SLC20A2: variants seen among roughly 807,000 people sequenced by gnomAD.
SLC20A2 encodes solute carrier family 20 member 2.
A neutral mutation model predicts 61.0 loss-of-function variants in SLC20A2; 30 were observed. The ratio of observed to expected loss-of-function variants is 0.49; its 90% CI spans 0.37 to 0.67. The LOEUF (loss-of-function observed/expected upper bound fraction) is 0.67, where lower values mean the gene tolerates loss of function less well. SLC20A2 is among the 30% of genes least tolerant of loss of function. The probability of loss-of-function intolerance (pLI) is 0.00; values close to 1 mark genes in which losing one functional copy is unlikely to be tolerated. For missense variants in SLC20A2, 626 were observed against 866.4 expected (o/e 0.72, Z 3.48); for synonymous variants, 351 against 353.3 (o/e 0.99, Z 0.07).
At chr8:42,453,452 C>G (rs1805900895) in intron 5 of SLC20A2, among the ~76,000 whole-genome samples, 1 of 152,094 alleles carries the variant, frequency 6.6e-6, no homozygotes. Flanking sequence ...AAGAAATAAT[C>G]AACTTCACAA....
At chr8:42,430,371 CTT>C in intron 8 of SLC20A2, 122 bp from the exon 9 acceptor site, 1 of 881,914 alleles carries the variant, frequency 1.1e-6, no homozygotes, top group Non-Finnish European at 1.7e-6. Context: ...GTTTTTCTTT[CTT>C]TTTTTTTGAG....
intron 1 of SLC20A2, among the ~76,000 whole-genome samples, chr8:42,498,424 T>C (rs1481355130): frequency 6.6e-6 from 1 of 152,192 alleles, no homozygotes; most frequent in Non-Finnish European, 1.5e-5. Context: ...CCACTCATCT[T>C]GTTTCCCTTT....
intron 5 of SLC20A2, among the ~76,000 whole-genome samples, chr8:42,454,043 T>C (rs1243058620): frequency 6.6e-6 from 1 of 152,068 alleles, no homozygotes; most frequent in Non-Finnish European, 1.5e-5. Flanking sequence ...TCGCTCTGTC[T>C]CCCAGGCTGG....
chr8:42,512,534 A>T (rs534917321), intron 1 of SLC20A2, among the ~76,000 whole-genome samples: 15 of 152,148 alleles, frequency 9.9e-5, no homozygotes, highest in African/African-American at 3.6e-4. Context: ...TATTTTTAGT[A>T]CAGATGGGGT....
chr8:42,456,115 A>G (rs1289397472), intron 5 of SLC20A2, among the ~76,000 whole-genome samples: 1 of 152,172 alleles, frequency 6.6e-6, no homozygotes, highest in Non-Finnish European at 1.5e-5. Context: ...TGCCAACTGC[A>G]GCCAAAAGAT....
chr8:42,533,654 C>CTTTTTTTCTTTTTTTTTTTTTTCTTTTT (rs1253260874), intron 1 of SLC20A2, among the ~76,000 whole-genome samples: 1 of 55,310 alleles, frequency 1.8e-5, no homozygotes, highest in African/African-American at 8.1e-5. Flanking sequence ...ATCAACTGTT[C>CTTTTTTTCTTTTTTTTTTTTTTCTTTTT]TTTTTTTTTT....
chr8:42,536,077 T>C lies in SLC20A2; in HGVS notation c.-265+5744A>G, dbSNP rs374727738. Among the ~76,000 whole-genome samples the C allele has an allele frequency of 6.7e-4, 102 of 152,346 alleles. 2 individuals carry two copies. The South Asian group carries it at 0.021, about 31-fold the overall frequency. On this transcript the variant is annotated intron_variant, in intron 1 of 10. Transcript: ENST00000342228. ...TCTGAAATGAAGATTAGGGCTAACG[T>C]GCAAATTGGATAAAAACTACAATAT...
Position 42,450,565 on chromosome 8 carries a change from C to T in SLC20A2, c.614-5803G>A. On this transcript the variant is annotated intron_variant, in intron 5 of 10. Transcript: ENST00000520262. Reference sequence around the variant, plus strand: ...TTGAGATGGAGTCTCGCTCTGTCGCCCAGGCTGGAATGCAGTGGCTCAATC... The same window carrying T: ...TTGAGATGGAGTCTCGCTCTGTCGCTCAGGCTGGAATGCAGTGGCTCAATC... Among the ~76,000 whole-genome samples the T allele has an allele frequency of 1.3e-5, 2 of 151,496 alleles. 1 individual carries two copies. Among genetic ancestry groups the T allele is most frequent in the Non-Finnish European group, 2.9e-5 (2 of 67,952 alleles).
chr8:42,510,302 A>G (rs2131372295), intron 1 of SLC20A2, among the ~76,000 whole-genome samples: 1 of 152,336 alleles, frequency 6.6e-6, no homozygotes, highest in Middle Eastern at 3.4e-3. Context: ...TTGTTTAGAA[A>G]CCACTTTTTC....
intron 8 of SLC20A2, among the ~76,000 whole-genome samples, chr8:42,432,389 G>A (rs574470957): frequency 1.3e-5 from 2 of 152,222 alleles, no homozygotes; most frequent in Non-Finnish European, 2.9e-5. Context: ...ATGAGGAGGT[G>A]CTTCTTATGG....
At chr8:42,465,421 C>T (rs1271221590) in intron 3 of SLC20A2, among the ~76,000 whole-genome samples, 4 of 151,514 alleles carry the variant, frequency 2.6e-5, no homozygotes, top group South Asian at 2.1e-4. Context: ...TGGCTGGGCA[C>T]GGTGGCTCAC....
chr8:42,516,270 A>C (rs1156680363), intron 1 of SLC20A2, among the ~76,000 whole-genome samples: 1 of 152,222 alleles, frequency 6.6e-6, no homozygotes, highest in African/African-American at 2.4e-5. Flanking sequence ...ACTGACAATC[A>C]CGTAGCCTTT....
At chr8:42,418,983 T>C (rs996743558) in intron 10 of SLC20A2, among the ~76,000 whole-genome samples, 1 of 115,932 alleles carries the variant, frequency 8.6e-6, no homozygotes, top group Non-Finnish European at 1.6e-5. Flanking sequence ...CACTCCAACC[T>C]GGGCGACAGA....
chr8:42,484,904 T>C, intron 1 of SLC20A2: 1 of 412,534 alleles, frequency 2.4e-6, no homozygotes, highest in Non-Finnish European at 4.9e-6. Flanking sequence ...CAGCTGGCCC[T>C]GAGACAGCAG....
At chr8:42,516,022 C>T (rs1262644018) in intron 1 of SLC20A2, among the ~76,000 whole-genome samples, 2 of 152,188 alleles carry the variant, frequency 1.3e-5, no homozygotes, top group East Asian at 3.9e-4. Flanking sequence ...CTAGTGGAGA[C>T]TGTGCTTCCT....
Position 42,537,349 on chromosome 8 carries a change from C to T in SLC20A2, c.-265+4472G>A, listed in dbSNP as rs187331306. Among the ~76,000 whole-genome samples the T allele has an allele frequency of 1.7e-4, 22 of 128,086 alleles. No homozygotes were observed. The East Asian group carries it at 3.4e-3, about 20-fold the overall frequency. 84.0% of individuals were successfully genotyped at this position (128,086 alleles called of 152,430 possible). A position where few individuals can be genotyped will look rare whatever the true frequency, so the allele number is the denominator to read the frequency against. Reference sequence around the variant, plus strand: ...TCACACTACTGTACTCTAACCCGGGCGACAGAGTGAGACCCTGTCTCAAAA... The same window carrying T: ...TCACACTACTGTACTCTAACCCGGGTGACAGAGTGAGACCCTGTCTCAAAA... On this transcript the variant is annotated intron_variant, in intron 1 of 10. Coordinates refer to the SLC20A2 transcript ENST00000342228.
intron 1 of SLC20A2, among the ~76,000 whole-genome samples, chr8:42,489,300 G>A (rs889798933): frequency 6.6e-5 from 10 of 152,020 alleles, no homozygotes; most frequent in Non-Finnish European, 1.0e-4. Context: ...TGATGAGTCT[G>A]CCAGTGTACC....
At chr8:42,536,897 A>G (rs1812738898) in intron 1 of SLC20A2, among the ~76,000 whole-genome samples, 2 of 151,440 alleles carry the variant, frequency 1.3e-5, no homozygotes, top group Admixed American at 1.3e-4. Flanking sequence ...AACATGGTGA[A>G]ACCCCGTCTT....
chr8:42,458,319 C>A (rs1806368805), intron 5 of SLC20A2, among the ~76,000 whole-genome samples: 1 of 152,148 alleles, frequency 6.6e-6, no homozygotes, highest in African/African-American at 2.4e-5. Flanking sequence ...TTTTCCTATT[C>A]AAGGTCTAAA....
Sources: allele counts gnomAD v4.1 joint callset (sites outside exome capture counted in the v4.1 genomes callset), GRCh38; gene constraint gnomAD v4.1.1; transcripts MANE v1.5; gene names NCBI Gene and HGNC (gene_info 2026-07-23, HGNC 2026-07-21).